NRTN: variants seen among roughly 807,000 people sequenced by gnomAD.
The protein encoded by NRTN is neurturin.
A neutral mutation model predicts 7.5 loss-of-function variants in NRTN; 3 were observed. The ratio of observed to expected loss-of-function variants is 0.40; its 90% confidence interval spans 0.18 to 1.03. The LOEUF (loss-of-function observed/expected upper bound fraction) is 1.03, where lower values mean the gene tolerates loss of function less well. NRTN is among the 50% of genes least tolerant of loss of function. NRTN has a pLI of 0.34. For synonymous variants in NRTN, 157 were observed against 146.6 expected (o/e 1.07, Z -0.51); for missense variants, 310 against 307.0 (o/e 1.01, Z -0.07).
Position 5,827,868 on chromosome 19 carries a change from C to G in NRTN, c.289C>G (p.Arg97Gly), listed in dbSNP as rs192419390. 200 of 1,245,916 alleles carry G rather than the reference C, an allele frequency of 1.6e-4. 1 individual carries two copies. In the East Asian group the frequency reaches 6.8e-3, roughly 43 times the overall value. 77.2% of individuals were successfully genotyped at this position (1,245,916 alleles called of 1,614,324 possible). Residue 97 changes from arginine (R) to glycine (G), a missense_variant, in exon 3 of 3, where the codon CGG becomes GGG. Transcript: ENST00000303212. Reference protein sequence around the residue: ...AGPRRRRARARLGARPCGLRE... With the variant: ...AGPRRRRARAGLGARPCGLRE... ...GCCCCGGCGGCGGCGCGCGCGTGCG[C>G]GGTTGGGGGCGCGGCCTTGCGGGCT...
chr19:5,828,133 C>T lies in NRTN; in HGVS notation c.554C>T (p.Thr185Met). The change falls in exon 3 of 3, where the codon ACG becomes ATG. Residue 185 changes from threonine to methionine, a missense_variant. By Grantham distance (81) the Thr-to-Met change is moderately conservative. Transcript: ENST00000303212. ...CTGGACGCGCACAGCCGCTACCACA[C>T]GGTGCACGAGCTGTCGGCGCGCGAG... ...SFLDAHSRYH[T>M]VHELSARECA... 4 of 1,514,068 alleles carry T rather than the reference C, an allele frequency of 2.6e-6. No individual in the cohort carries two copies. The highest frequency in any genetic ancestry group is 2.6e-6 in the Non-Finnish European group (3 of 1,138,542). 93.8% of individuals were successfully genotyped at this position (1,514,068 alleles called of 1,614,324 possible).
intron 2 of NRTN, among the ~76,000 whole-genome samples, chr19:5,825,994 G>A (rs2057044523): frequency 1.3e-5 from 2 of 152,170 alleles, no homozygotes. Context: ...AATTAGCCGG[G>A]CGTGGTGGCG....
chr19:5,809,425 G>C (rs958258089), intron 1 of NRTN, among the ~76,000 whole-genome samples: 5 of 151,912 alleles, frequency 3.3e-5, no homozygotes, highest in African/African-American at 1.2e-4. Flanking sequence ...TCCCGCCTCA[G>C]CCTCCCAAAG....
chr19:5,820,852 C>T (rs1056573649), intron 1 of NRTN, among the ~76,000 whole-genome samples: 2 of 152,004 alleles, frequency 1.3e-5, no homozygotes, highest in African/African-American at 4.8e-5. Flanking sequence ...AAATGTCCTT[C>T]CCATGGCCCA....
chr19:5,825,721 A>C (rs1385825701), intron 2 of NRTN, among the ~76,000 whole-genome samples: 1 of 151,942 alleles, frequency 6.6e-6, no homozygotes, highest in Non-Finnish European at 1.5e-5. Context: ...GTGGCCACTG[A>C]CTCCCCAAGT....
intron 1 of NRTN, among the ~76,000 whole-genome samples, chr19:5,819,343 AT>A (rs2057015674): frequency 6.6e-6 from 1 of 152,290 alleles, no homozygotes; most frequent in African/African-American, 2.4e-5. Context: ...CCTGGGCAAC[AT>A]GATGAGACAT....
chr19:5,822,830 CCTCT>C (rs1226689132), intron 1 of NRTN, among the ~76,000 whole-genome samples: 3 of 151,704 alleles, frequency 2.0e-5, no homozygotes, highest in African/African-American at 7.3e-5. Context: ...GTGAGATTCC[CCTCT>C]CTATTAAACA....
chr19:5,819,960 G>A (rs2057017725), intron 1 of NRTN, among the ~76,000 whole-genome samples: 1 of 152,000 alleles, frequency 6.6e-6, no homozygotes, highest in South Asian at 2.1e-4. Context: ...TAAAGTAGGT[G>A]ATCATTAAGA....
intron 1 of NRTN, among the ~76,000 whole-genome samples, chr19:5,823,120 GAA>G (rs770232290): frequency 0.21 from 28,148 of 132,908 alleles, 3,139 homozygotes; most frequent in South Asian, 0.37. Context: ...GAAAGAAAGA[GAA>G]AGAGAGAGAG....
At chr19:5,807,372 C>T (rs1187383816) in intron 1 of NRTN, among the ~76,000 whole-genome samples, 2 of 152,144 alleles carry the variant, frequency 1.3e-5, no homozygotes, top group Non-Finnish European at 2.9e-5. Flanking sequence ...GGGCTTCCTC[C>T]GCTGATGCAT....
intron 1 of NRTN, among the ~76,000 whole-genome samples, chr19:5,818,389 G>A (rs1325135371): frequency 4.6e-5 from 7 of 152,154 alleles, no homozygotes; most frequent in African/African-American, 7.2e-5. Flanking sequence ...GAACCTGAGT[G>A]TGAGGATATG....
chr19:5,805,634 G>A (rs2056973017), intron 1 of NRTN, among the ~76,000 whole-genome samples, 183 bp downstream of exon 1: 1 of 152,006 alleles, frequency 6.6e-6, no homozygotes, highest in Admixed American at 6.6e-5. Context: ...GCGTGGGGAG[G>A]GGCGGGGGCG....
At chr19:5,818,713 A>T (rs569545223) in intron 1 of NRTN, among the ~76,000 whole-genome samples, 2 of 152,132 alleles carry the variant, frequency 1.3e-5, no homozygotes, top group South Asian at 4.2e-4. Flanking sequence ...GGACACAGGA[A>T]CACGCATTGT....
chr19:5,825,499 G>C (rs1184749694), intron 2 of NRTN, among the ~76,000 whole-genome samples: 1 of 152,236 alleles, frequency 6.6e-6, no homozygotes, highest in Non-Finnish European at 1.5e-5. Context: ...CCTCCAGCAC[G>C]AGCTCCACTT....
Position 5,820,677 on chromosome 19 carries a change from C to T in NRTN, c.-398-3091C>T, listed in dbSNP as rs377105518. Among the ~76,000 whole-genome samples the T allele has an allele frequency of 1.8e-4, 24 of 134,586 alleles. No homozygotes were observed. In the East Asian group the frequency reaches 4.3e-3, roughly 24 times the overall value. The allele number at this position is 134,586 out of a possible 152,430, so 88.3% of individuals were successfully genotyped here. ...CCAGGAGGTGGAGGTTACAGTGAGC[C>T]GAGATCGCACCACTGTGCTCCACAC... is the stretch of plus-strand genomic sequence containing the variant. On this transcript the variant is annotated intron_variant, in intron 1 of 2. Transcript: ENST00000303212.
chr19:5,822,355 G>T (rs1434805298), intron 1 of NRTN, among the ~76,000 whole-genome samples: 2 of 152,210 alleles, frequency 1.3e-5, no homozygotes, highest in Non-Finnish European at 2.9e-5. Flanking sequence ...GGCTTTCAGT[G>T]CTCGGTGTAA....
In NRTN at chr19:5,827,780, G is replaced by A; in HGVS notation, c.201G>A (p.Ala67=). The change falls in exon 3 of 3, where the codon GCG becomes GCA. Residue 67 remains alanine, a synonymous_variant. Coordinates refer to ENST00000303212, the MANE Select transcript of NRTN (RefSeq NM_004558.5). ...YRALLQGAPD[A]MELRELTPWA... ...CACTCCTGCAGGGGGCCCCGGATGC[G>A]ATGGAGCTGCGCGAGCTGACGCCCT... 3.3e-6 allele frequency: 4 copies of A among 1,217,942 alleles called. No individual in the cohort carries two copies. In the South Asian group the frequency reaches 1.1e-4, roughly 34 times the overall value. 75.4% of individuals were successfully genotyped at this position (1,217,942 alleles called of 1,614,324 possible). A position where few individuals can be genotyped will look rare whatever the true frequency, so the allele number is the denominator to read the frequency against.
At chr19:5,812,029 C>T (rs201636638) in intron 1 of NRTN, among the ~76,000 whole-genome samples, 2 of 151,300 alleles carry the variant, frequency 1.3e-5, no homozygotes, top group East Asian at 3.9e-4. Context: ...AATACCACGC[C>T]CAGCCAATTT....
At chr19:5,815,278 T>A (rs552576525) in intron 1 of NRTN, among the ~76,000 whole-genome samples, 5 of 152,244 alleles carry the variant, frequency 3.3e-5, no homozygotes, top group African/African-American at 1.2e-4. Flanking sequence ...AACCTGTGTG[T>A]GTAAGTGGGA....
Sources: gnomAD v4.1 joint callset for allele counts (sites outside exome capture counted in the v4.1 genomes callset) on GRCh38, gnomAD v4.1.1 for gene constraint, MANE v1.5 for transcripts, NCBI Gene and HGNC (gene_info 2026-07-23, HGNC 2026-07-21) for gene names.